The following CHD6 variants were observed in gnomAD, a reference collection of about 807,000 sequenced individuals.
CHD6 encodes chromodomain helicase DNA binding protein 6.
A neutral mutation model predicts 276.9 loss-of-function variants in CHD6; 50 were observed. That is an observed-to-expected ratio of 0.18 (90% CI 0.14 to 0.23). CHD6 has a LOEUF of 0.23. CHD6 is among the 10% of genes least tolerant of loss of function. The probability of loss-of-function intolerance (pLI) is 1.00; values close to 1 mark genes in which losing one functional copy is unlikely to be tolerated. For synonymous variants in CHD6, 1,173 were observed against 1,229.3 expected, an observed-to-expected ratio of 0.95 and a Z score of 0.96; for missense variants, 2,564 against 3,365.8, an observed-to-expected ratio of 0.76 and a Z score of 5.89.
intron 1 of CHD6, among the ~76,000 whole-genome samples, chr20:41,613,533 G>C (rs192259807): frequency 1.3e-4 from 20 of 152,320 alleles, no homozygotes; most frequent in Admixed American, 9.8e-4. Flanking sequence ...GGAAGAATTT[G>C]GGGGATAACC....
rs535923917 is a variant in CHD6, at chr20:41,528,104, A to G, written c.554+4946T>C. On this transcript the variant is annotated intron_variant, in intron 3 of 36. Transcript: ENST00000373233. ...ATAGCAACATAAAATGAACTATAAC[A>G]GTTCCCTAATAAGAAATTTCTTTCT... 1.1e-3 allele frequency among the ~76,000 whole-genome samples: 170 copies of G among 152,362 alleles called. 1 individual carries two copies. Among genetic ancestry groups the G allele is most frequent in the Non-Finnish European group, 1.9e-3 (126 of 68,036 alleles).
chr20:41,521,817 T>G (rs1255463776), intron 3 of CHD6, among the ~76,000 whole-genome samples: 2 of 152,034 alleles, frequency 1.3e-5, no homozygotes, highest in African/African-American at 4.8e-5. Context: ...TTTAGAAAAA[T>G]AAACATGGCA....
At chr20:41,475,982 G>T (rs1467189696) in intron 16 of CHD6, among the ~76,000 whole-genome samples, 4 of 152,082 alleles carry the variant, frequency 2.6e-5, no homozygotes, top group Non-Finnish European at 5.9e-5. Flanking sequence ...TTGAGGGAGT[G>T]CTCTCAAAGA....
In CHD6 at chr20:41,454,633, T is replaced by C. The variant is rs373243439; in HGVS notation, c.3113A>G (p.Asn1038Ser). ...KIAELDTEAK[N>S]EKESLVIDRP... ...AATATTATTTTGCTGTACCTTTTCA[T>C]TCTTTGCTTCAGTGTCTAGTTCAGC... Residue 1038 changes from asparagine to serine, a missense_variant, in exon 20 of 37, where the codon AAT (asparagine) becomes AGT (serine). This residue lies in a region of CHD6 where 515 missense variants were observed against 739.5 expected (regional missense o/e 0.70). Coordinates refer to ENST00000373233, the MANE Select transcript of CHD6 (RefSeq NM_032221.5). The C allele has an allele frequency of 6.2e-7, 1 of 1,609,808 alleles. No individual in the cohort carries two copies. Among genetic ancestry groups the C allele is most frequent in the Non-Finnish European group, 8.5e-7 (1 of 1,177,308 alleles).
At chr20:41,476,104 G>C (rs1438085575) in intron 16 of CHD6, among the ~76,000 whole-genome samples, 1 of 152,012 alleles carries the variant, frequency 6.6e-6, no homozygotes, top group Non-Finnish European at 1.5e-5. Flanking sequence ...AATTAAATGG[G>C]AACAAAACCA....
chr20:41,411,629 G>A (rs1481705130), intron 36 of CHD6, among the ~76,000 whole-genome samples: 5 of 152,110 alleles, frequency 3.3e-5, no homozygotes, highest in African/African-American at 4.8e-5. Flanking sequence ...ACTCGGATTC[G>A]TTATACTAGA....
intron 27 of CHD6, among the ~76,000 whole-genome samples, chr20:41,432,537 T>C (rs2047577446): frequency 6.6e-6 from 1 of 152,066 alleles, no homozygotes. Flanking sequence ...TAGGGGTTAA[T>C]GGGAGCAGAC....
intron 17 of CHD6, among the ~76,000 whole-genome samples, chr20:41,459,768 C>A (rs1365534009): frequency 6.6e-6 from 1 of 152,148 alleles, no homozygotes; most frequent in East Asian, 1.9e-4. Flanking sequence ...TTTGGATATG[C>A]CTTTATTAGC....
At chr20:41,604,919 G>A (rs538677236) in intron 1 of CHD6, among the ~76,000 whole-genome samples, 1 of 152,230 alleles carries the variant, frequency 6.6e-6, no homozygotes, top group South Asian at 2.1e-4. Context: ...TCCTAATGGG[G>A]GACAGGGAGT....
In CHD6 at chr20:41,415,329, G is replaced by A. The variant is rs1211974193; in HGVS notation, c.6796C>T (p.His2266Tyr). 6.2e-7 allele frequency: 1 copy of A among 1,614,156 alleles called. No individual in the cohort carries two copies. Among genetic ancestry groups the A allele is most frequent in the Non-Finnish European group, 8.5e-7 (1 of 1,180,044 alleles). Residue 2266 changes from histidine to tyrosine, a missense_variant, in exon 34 of 37, where the codon CAT becomes TAT. This residue lies in a region of CHD6 where 1,024 missense variants were observed against 1,047.9 expected (regional missense o/e 0.98). Coordinates refer to ENST00000373233, the MANE Select transcript of CHD6 (RefSeq NM_032221.5). The stretch of plus-strand genomic sequence containing the variant: ...TTGACAATCTGTCCAGTCACAGGAT[G>A]GATCAGGCCAGCTTGCAGAATCCCA... ...LSGILQAGLI[H>Y]PVTGQIVNGS... is the part of the protein sequence containing the mutation.
chr20:41,555,451 G>A (rs1316619712), intron 1 of CHD6, among the ~76,000 whole-genome samples: 20 of 149,700 alleles, frequency 1.3e-4, no homozygotes, highest in East Asian at 4.0e-4. Context: ...GCTGCCGGGC[G>A]GAGACGCTCC....
chr20:41,605,190 T>C (rs1448320512), intron 1 of CHD6, among the ~76,000 whole-genome samples: 2 of 152,170 alleles, frequency 1.3e-5, no homozygotes, highest in Non-Finnish European at 2.9e-5. Context: ...TTTGTCAAAA[T>C]GTTAATAACA....
intron 1 of CHD6, among the ~76,000 whole-genome samples, chr20:41,557,221 G>C (rs754148850): frequency 6.6e-6 from 1 of 152,178 alleles, no homozygotes; most frequent in Non-Finnish European, 1.5e-5. Context: ...CGCTCTCCTT[G>C]CTGCATTATG....
intron 1 of CHD6, among the ~76,000 whole-genome samples, chr20:41,614,993 T>G (rs923773315): frequency 6.6e-6 from 1 of 152,204 alleles, no homozygotes; most frequent in African/African-American, 2.4e-5. Flanking sequence ...TGGATGCACG[T>G]GTAGAACTTA....
chr20:41,558,288 G>T (rs145522275), intron 1 of CHD6, among the ~76,000 whole-genome samples: 35 of 152,312 alleles, frequency 2.3e-4, no homozygotes, highest in African/African-American at 8.2e-4. Flanking sequence ...CTGTAATGAC[G>T]ACGAGACATG....
At chr20:41,580,645 CAAAAAAA>C (rs373733112) in intron 1 of CHD6, among the ~76,000 whole-genome samples, 1 of 69,304 alleles carries the variant, frequency 1.4e-5, no homozygotes, top group African/African-American at 6.2e-5. Flanking sequence ...AACCCAGTCT[CAAAAAAA>C]AAAAAAAAAA....
At chr20:41,520,437 T>TA (rs1465858259) in intron 3 of CHD6, among the ~76,000 whole-genome samples, 6 of 151,968 alleles carry the variant, frequency 3.9e-5, no homozygotes, top group South Asian at 2.1e-4. Context: ...CCAACAATGA[T>TA]AGACTGGATT....
chr20:41,484,226 TA>T, intron 15 of CHD6, 125 bp downstream of exon 15: 2 of 1,220,412 alleles, frequency 1.6e-6, no homozygotes, highest in Non-Finnish European at 2.3e-6. Flanking sequence ...TTATACTCTG[TA>T]AAAAGGTGAG....
intron 1 of CHD6, among the ~76,000 whole-genome samples, chr20:41,613,401 GAA>G (rs2146311459): frequency 6.6e-6 from 1 of 152,352 alleles, no homozygotes; most frequent in South Asian, 2.1e-4. Flanking sequence ...GCAGATGTGT[GAA>G]AAAGAGAGGC....
Sources: gnomAD v4.1 joint callset for allele counts (sites outside exome capture counted in the v4.1 genomes callset) on GRCh38, gnomAD v4.1.1 for gene constraint, gnomAD v4.1.1 regional missense constraint, MANE v1.5 for transcripts, NCBI Gene and HGNC (gene_info 2026-07-23, HGNC 2026-07-21) for gene names.